The following MALRD1 variants were observed in gnomAD, a reference collection of about 807,000 sequenced individuals.
The protein encoded by MALRD1 is MAM and LDL-receptor class A domain-containing protein 1.
Under a neutral mutation model 242.1 loss-of-function variants are expected in MALRD1, and 247 were observed. The ratio of observed to expected loss-of-function variants is 1.02; its 90% CI spans 0.92 to 1.13. The LOEUF (loss-of-function observed/expected upper bound fraction) is 1.13, where lower values mean the gene tolerates loss of function less well. MALRD1 is among the 50% of genes most tolerant of loss of function. The pLI is 0.00. For synonymous variants in MALRD1, 995 were observed against 866.6 expected, an observed-to-expected ratio of 1.15 and a Z score of -2.60; for missense variants, 2,989 against 2,533.1, an observed-to-expected ratio of 1.18 and a Z score of -3.86.
At chr10:19,280,417 G>A (rs367613125) in intron 20 of MALRD1, among the ~76,000 whole-genome samples, 194 bp downstream of exon 20, 55 of 152,284 alleles carry the variant, frequency 3.6e-4, no homozygotes, top group African/African-American at 1.2e-3. Flanking sequence ...GGCCCCGTAA[G>A]TGGTAAGTGT....
chr10:19,526,422 C>G (rs928015780), intron 31 of MALRD1, among the ~76,000 whole-genome samples: 1 of 150,902 alleles, frequency 6.6e-6, no homozygotes, highest in Admixed American at 6.6e-5. Context: ...TAAGGTCAAA[C>G]TTAGATATGC....
At chr10:19,335,760 G>T (rs759982206) in intron 24 of MALRD1, among the ~76,000 whole-genome samples, 100 of 152,138 alleles carry the variant, frequency 6.6e-4, no homozygotes, top group Non-Finnish European at 9.9e-4. Flanking sequence ...AAGAATGAAA[G>T]AAATCAACTC....
chr10:19,429,383 G>A (rs1834030622), intron 28 of MALRD1, among the ~76,000 whole-genome samples: 2 of 151,928 alleles, frequency 1.3e-5, no homozygotes, highest in Admixed American at 6.6e-5. Context: ...CAGCCTGGTG[G>A]TGAAACCCCA....
chr10:19,078,088 G>A (rs968027153), intron 2 of MALRD1, among the ~76,000 whole-genome samples: 4 of 151,522 alleles, frequency 2.6e-5, no homozygotes, highest in South Asian at 2.1e-4. Context: ...GTTAATAAAC[G>A]TCAGCTATTA....
At chr10:19,698,241 A>G (rs951901330) in intron 38 of MALRD1, among the ~76,000 whole-genome samples, 4 of 152,224 alleles carry the variant, frequency 2.6e-5, no homozygotes, top group Middle Eastern at 3.2e-3. Flanking sequence ...GCTCAGATAT[A>G]GCTGTTTTTA....
intron 32 of MALRD1, among the ~76,000 whole-genome samples, chr10:19,547,656 A>G (rs1835265805): frequency 6.7e-6 from 1 of 150,260 alleles, no homozygotes; most frequent in Non-Finnish European, 1.5e-5. Flanking sequence ...TAGCAATAGT[A>G]ATAAAATGTG....
At chr10:19,427,133 A>G (rs1833933450) in intron 28 of MALRD1, among the ~76,000 whole-genome samples, 2 of 152,242 alleles carry the variant, frequency 1.3e-5, no homozygotes, top group East Asian at 1.9e-4. Flanking sequence ...AATCCTTAGA[A>G]CAAGGATATG....
chr10:19,554,809 G>A (rs144060663), intron 32 of MALRD1, among the ~76,000 whole-genome samples: 12,192 of 152,022 alleles, frequency 0.08, 1,418 homozygotes, highest in African/African-American at 0.26. Flanking sequence ...GTCTACCATT[G>A]ACGGGCATTT....
intron 17 of MALRD1, among the ~76,000 whole-genome samples, chr10:19,208,136 G>T (rs904772492): frequency 6.6e-6 from 1 of 151,478 alleles, no homozygotes; most frequent in Non-Finnish European, 1.5e-5. Flanking sequence ...ACTGCTAAAA[G>T]CAAAACATCA....
At chr10:19,481,503 A>G (rs771705623) in intron 29 of MALRD1, among the ~76,000 whole-genome samples, 6 of 152,178 alleles carry the variant, frequency 3.9e-5, no homozygotes, top group Non-Finnish European at 8.8e-5. Context: ...AGTTCCTTCT[A>G]GAATAAGAGA....
intron 19 of MALRD1, among the ~76,000 whole-genome samples, chr10:19,260,432 GA>G (rs914142121): frequency 6.6e-6 from 1 of 151,742 alleles, no homozygotes; most frequent in African/African-American, 2.4e-5. Flanking sequence ...ATAGAGGATG[GA>G]AAAAAAAGCA....
At chr10:19,198,238 GT>G (rs1470139028) in intron 14 of MALRD1, among the ~76,000 whole-genome samples, 3 of 152,160 alleles carry the variant, frequency 2.0e-5, no homozygotes, top group Non-Finnish European at 4.4e-5. Context: ...TGAGATTCCT[GT>G]GTCACAGACA....
chr10:19,479,100 G>T (rs1328471534), intron 29 of MALRD1, among the ~76,000 whole-genome samples: 1 of 152,132 alleles, frequency 6.6e-6, no homozygotes, highest in Non-Finnish European at 1.5e-5. Flanking sequence ...AATACTATTT[G>T]ATCACTCAAA....
chr10:19,145,798 A>G (rs1002039782), intron 10 of MALRD1, among the ~76,000 whole-genome samples: 1 of 152,092 alleles, frequency 6.6e-6, no homozygotes, highest in Non-Finnish European at 1.5e-5. Flanking sequence ...GCTGATCTCA[A>G]GTTATTTGTG....
intron 26 of MALRD1, among the ~76,000 whole-genome samples, chr10:19,383,330 A>G (rs938708628): frequency 1.3e-5 from 2 of 152,030 alleles, no homozygotes; most frequent in Non-Finnish European, 2.9e-5. Context: ...GTGTTATTTT[A>G]CTTAGGATAA....
chr10:19,153,820 C>T (rs61851295), intron 11 of MALRD1, among the ~76,000 whole-genome samples: 8,651 of 152,220 alleles, frequency 0.057, 326 homozygotes, highest in Middle Eastern at 0.11. Flanking sequence ...CCTTTTGCTT[C>T]ATTTAGATTT....
At chr10:19,235,461 C>T (rs551050081) in intron 18 of MALRD1, among the ~76,000 whole-genome samples, 103 of 121,628 alleles carry the variant, frequency 8.5e-4, no homozygotes, top group African/African-American at 2.9e-3. Context: ...ATTTTTTAAT[C>T]GGGTTATTTT....
chr10:19,253,733 C>T (rs866224756), intron 18 of MALRD1, among the ~76,000 whole-genome samples: 13 of 152,074 alleles, frequency 8.5e-5, no homozygotes, highest in Middle Eastern at 3.4e-3. Flanking sequence ...TATATCCCCA[C>T]CATTCCCCCA....
chr10:19,121,427 A>G (rs1837061260), intron 5 of MALRD1, among the ~76,000 whole-genome samples: 1 of 152,216 alleles, frequency 6.6e-6, no homozygotes, highest in Non-Finnish European at 1.5e-5. Flanking sequence ...TGTTATTGAC[A>G]TAGGTTCAAG....
Sources: gnomAD v4.1 joint callset for allele counts (sites outside exome capture counted in the v4.1 genomes callset) on GRCh38, gnomAD v4.1.1 for gene constraint, MANE v1.5 for transcripts, NCBI Gene and HGNC (gene_info 2026-07-23, HGNC 2026-07-21) for gene names.